Variants in DPY19L4 observed in about 807,000 individuals in gnomAD.
The protein encoded by DPY19L4 is probable C-mannosyltransferase DPY19L4.
DPY19L4 carries 97 observed loss-of-function variants against 102.8 expected under a neutral mutation model. The observed-to-expected ratio is 0.94, with a 90% CI of 0.80 to 1.12. The LOEUF (loss-of-function observed/expected upper bound fraction) is 1.12, where lower values mean the gene tolerates loss of function less well. Ranked by LOEUF, DPY19L4 falls within the 50% of genes most tolerant of loss-of-function variation. The pLI is 0.00. For missense variants in DPY19L4, 815 were observed against 850.4 expected (o/e 0.96, Z 0.52); for synonymous variants, 252 against 283.1 (o/e 0.89, Z 1.10).
chr8:94,723,866 A>G (rs1378342865), intron 1 of DPY19L4, among the ~76,000 whole-genome samples: 2 of 152,144 alleles, frequency 1.3e-5, no homozygotes, highest in Non-Finnish European at 2.9e-5. Flanking sequence ...TTTATAGATT[A>G]CATATTTGTA....
At chr8:94,781,572 A>G (rs1364612822) in intron 16 of DPY19L4, among the ~76,000 whole-genome samples, 1 of 152,162 alleles carries the variant, frequency 6.6e-6, no homozygotes, top group African/African-American at 2.4e-5. Context: ...TCTTAGGCCT[A>G]TGGAAGCAGG....
Position 94,789,786 on chromosome 8 carries a change from A to G in DPY19L4, c.2048A>G (p.Tyr683Cys), listed in dbSNP as rs1223160345. ...EEGDKLTYSK[Y>C]GRFCHEVKIN... The stretch of plus-strand genomic sequence containing the variant: ...GGTGACAAGCTAACCTACTCAAAAT[A>G]TGGGCGATTTTGTCATGAGGTCAAA... The change falls in exon 19 of 19, where the codon TAT (tyrosine) becomes TGT (cysteine). Residue 683 changes from tyrosine to cysteine, a missense_variant. By Grantham distance (194) the Tyr-to-Cys change is radical. Transcript: ENST00000414645. The G allele has an allele frequency of 9.3e-6, 15 of 1,611,334 alleles. No homozygotes were observed. The highest frequency in any genetic ancestry group is 1.2e-5 in the Non-Finnish European group (14 of 1,178,862).
In DPY19L4 at chr8:94,789,726, T is replaced by C. The variant is rs751326779; in HGVS notation, c.2008-20T>C. On this transcript the variant is annotated intron_variant, in intron 18 of 18. Transcript: ENST00000414645. ...AAGCTTAATAAGCTTTTTAATATTA[T>C]GTTTTATATCTTTTAATAGATGGTT... is the stretch of plus-strand genomic sequence containing the variant. The C allele has an allele frequency of 6.4e-6, 10 of 1,554,516 alleles. No individual in the cohort carries two copies. Among genetic ancestry groups the C allele is most frequent in the Non-Finnish European group, 7.8e-6 (9 of 1,151,468 alleles).
chr8:94,739,274 TA>T, intron 4 of DPY19L4, 138 bp from the exon 5 acceptor site: 2 of 988,354 alleles, frequency 2.0e-6, no homozygotes, highest in African/African-American at 3.3e-5. Context: ...GCTAAATTTT[TA>T]AAAAATGGAA....
intron 16 of DPY19L4, 84 bp downstream of exon 16, chr8:94,781,250 A>G: frequency 8.4e-7 from 1 of 1,188,350 alleles, no homozygotes; most frequent in South Asian, 1.9e-5. Context: ...GAAATAATAA[A>G]TTAATACTTC....
intron 1 of DPY19L4, among the ~76,000 whole-genome samples, chr8:94,721,851 G>A (rs1255345134): frequency 1.3e-5 from 2 of 152,230 alleles, no homozygotes; most frequent in African/African-American, 4.8e-5. Flanking sequence ...GCTCATGCCT[G>A]TAGTCCCAGC....
Position 94,756,036 on chromosome 8 carries a change from G to A in DPY19L4, c.612G>A (p.Arg204=), listed in dbSNP as rs1212489097. 6.2e-7 allele frequency: 1 copy of A among 1,609,112 alleles called. No individual in the cohort carries two copies. ...MLTVAWFVIN[R]VDTTRIEYSI... ...ACTGTTCATCTGTGGTTTATTTTAG[G>A]GTAGATACAACAAGAATTGAATACT... Residue 204 remains arginine (R), a splice_region_variant and synonymous_variant, in exon 7 of 19, where the codon AGG becomes AGA. Transcript: ENST00000414645.
rs145854417 is a variant in DPY19L4 at position 94,789,791 on chromosome 8, C to T, written c.2053C>T (p.Arg685Ter). Residue 685 changes from arginine (R) to a stop codon, truncating the protein, a stop_gained, in exon 19 of 19, where the codon CGA (arginine) becomes TGA (stop). Transcript: ENST00000414645. LOFTEE classifies it high-confidence loss of function. ...GDKLTYSKYG[R>*]FCHEVKINYS... ...CAAGCTAACCTACTCAAAATATGGG[C>T]GATTTTGTCATGAGGTCAAAATTAA... 448 of 1,610,486 alleles carry T rather than the reference C, an allele frequency of 2.8e-4. No homozygotes were observed. Among genetic ancestry groups the T allele is most frequent in the Admixed American group, 6.7e-4 (40 of 59,722 alleles).
chr8:94,733,285 C>T (rs778202013), intron 2 of DPY19L4, among the ~76,000 whole-genome samples: 42 of 151,604 alleles, frequency 2.8e-4, no homozygotes, highest in Non-Finnish European at 3.7e-4. Context: ...CCACCATGCC[C>T]GGCTAATTTT....
In DPY19L4 at chr8:94,765,381, G is replaced by A. The variant is rs562207209; in HGVS notation, c.1002+67G>A. The A allele has an allele frequency of 6.8e-4, 1,005 of 1,468,034 alleles. 6 individuals carry two copies. The African/African-American group carries it at 0.013, about 18-fold the overall frequency. The allele number at this position is 1,468,034 out of a possible 1,614,324, so 90.9% of individuals were successfully genotyped here. A position where few individuals can be genotyped will look rare whatever the true frequency, so the allele number is the denominator to read the frequency against. ...TTTTTTTGAAGTGGAGTCTCACTCT[G>A]TTGCCCAGGCTGGAGTACATCTCAG... On this transcript the variant is annotated intron_variant, in intron 9 of 18. Transcript: ENST00000414645.
intron 1 of DPY19L4, among the ~76,000 whole-genome samples, chr8:94,721,134 CG>C (rs1314020310): frequency 6.6e-6 from 1 of 152,104 alleles, no homozygotes; most frequent in African/African-American, 2.4e-5. Flanking sequence ...TGAGTAGAGA[CG>C]GGGTTTCTCC....
At chr8:94,782,047 A>G (rs1563616726) in intron 16 of DPY19L4, among the ~76,000 whole-genome samples, 1 of 152,246 alleles carries the variant, frequency 6.6e-6, no homozygotes, top group Non-Finnish European at 1.5e-5. Flanking sequence ...AAACAGCAGA[A>G]TTAGACCTCT....
chr8:94,766,713 T>C, intron 11 of DPY19L4, 28 bp downstream of exon 11: 1 of 1,566,440 alleles, frequency 6.4e-7, no homozygotes, highest in Non-Finnish European at 8.8e-7. Flanking sequence ...TAAGTTTACC[T>C]AAATCGATAC....
At position 94,762,990 on chromosome 8, in the gene DPY19L4, C is replaced by T. The variant is rs1038995934; in HGVS notation, c.870+1156C>T. On this transcript the variant is annotated intron_variant, in intron 8 of 18. Coordinates refer to ENST00000414645, the MANE Select transcript of DPY19L4 (RefSeq NM_181787.3). ...TTGAGATGGAGTCTCACTCTGTTGCCCAGGCTGGAGTGCGGTGGCTCAATC... is the reference window on the plus strand; with the variant it reads ...TTGAGATGGAGTCTCACTCTGTTGCTCAGGCTGGAGTGCGGTGGCTCAATC... Among the ~76,000 whole-genome samples, 8 of 151,586 alleles carry T rather than the reference C, an allele frequency of 5.3e-5. No homozygotes were observed. The East Asian group carries it at 1.5e-3, about 29-fold the overall frequency.
At chr8:94,749,953 A>G (rs1375538977) in intron 6 of DPY19L4, among the ~76,000 whole-genome samples, 2 of 152,140 alleles carry the variant, frequency 1.3e-5, no homozygotes, top group East Asian at 3.8e-4. Context: ...ATATTGGTTC[A>G]TGTTTTTTGT....
intron 6 of DPY19L4, among the ~76,000 whole-genome samples, chr8:94,740,373 T>C (rs1353382316): frequency 6.6e-6 from 1 of 152,208 alleles, no homozygotes; most frequent in African/African-American, 2.4e-5. Context: ...TGTGTGTGTA[T>C]GCATCTGTGT....
At chr8:94,773,343 TA>T (rs11350067) in intron 13 of DPY19L4, among the ~76,000 whole-genome samples, 17,910 of 152,248 alleles carry the variant, frequency 0.12, 1,169 homozygotes, top group Non-Finnish European at 0.15. Context: ...TTACCATCTT[TA>T]GAAGTTTGGA....
chr8:94,757,379 A>G (rs371306103), intron 7 of DPY19L4, among the ~76,000 whole-genome samples: 31 of 152,130 alleles, frequency 2.0e-4, no homozygotes, highest in East Asian at 1.2e-3. Flanking sequence ...TTTATGTTGT[A>G]TTTGTATAAA....
At chr8:94,788,872 T>C (rs1813774650) in intron 18 of DPY19L4, among the ~76,000 whole-genome samples, 1 of 152,250 alleles carries the variant, frequency 6.6e-6, no homozygotes, top group Admixed American at 6.5e-5. Flanking sequence ...CTCTTTGTCT[T>C]ATCCAAGATC....
Sources: gnomAD v4.1 joint callset for allele counts (sites outside exome capture counted in the v4.1 genomes callset) on GRCh38, gnomAD v4.1.1 for gene constraint, MANE v1.5 for transcripts, NCBI Gene and HGNC (gene_info 2026-07-23, HGNC 2026-07-21) for gene names.